AP2B1: variants seen among roughly 807,000 people sequenced by gnomAD.
AP2B1 encodes adaptor related protein complex 2 subunit beta 1.
AP2B1 carries 23 observed loss-of-function variants against 102.0 expected under a neutral mutation model. The ratio of observed to expected loss-of-function variants is 0.23; its 90% CI spans 0.16 to 0.32. AP2B1 has a LOEUF of 0.32. Ranked by LOEUF, AP2B1 falls within the 10% of genes least tolerant of loss-of-function variation. AP2B1 has a pLI of 1.00. For synonymous variants in AP2B1, 381 were observed against 421.2 expected, an observed-to-expected ratio of 0.90 and a Z score of 1.17; for missense variants, 541 against 1,157.4, an observed-to-expected ratio of 0.47 and a Z score of 7.73.
At chr17:35,604,473 C>T (rs2073596943) in intron 3 of AP2B1, among the ~76,000 whole-genome samples, 2 of 151,626 alleles carry the variant, frequency 1.3e-5, no homozygotes, top group African/African-American at 4.8e-5. Flanking sequence ...AAAAAAGACA[C>T]TTGCCTGTGC....
At chr17:35,722,437 G>A (rs1207769825) in intron 21 of AP2B1, among the ~76,000 whole-genome samples, 3 of 152,094 alleles carry the variant, frequency 2.0e-5, no homozygotes, top group Admixed American at 2.0e-4. Flanking sequence ...GAATGCCTTG[G>A]GGACTGAATA....
intron 18 of AP2B1, among the ~76,000 whole-genome samples, chr17:35,698,490 T>G (rs989313803): frequency 3.0e-4 from 46 of 152,112 alleles, no homozygotes; most frequent in African/African-American, 9.4e-4. Flanking sequence ...TTTATTTTTA[T>G]TTTTGTAAAG....
chr17:35,683,315 A>G (rs901596661), intron 18 of AP2B1, among the ~76,000 whole-genome samples: 1 of 152,270 alleles, frequency 6.6e-6, no homozygotes, highest in African/African-American at 2.4e-5. Context: ...CATGCATGAC[A>G]TAGATATTCA....
chr17:35,658,800 T>G (rs1415336249), intron 14 of AP2B1, among the ~76,000 whole-genome samples: 1 of 152,198 alleles, frequency 6.6e-6, no homozygotes, highest in Non-Finnish European at 1.5e-5. Flanking sequence ...CTCTTCTACT[T>G]TATGAGGAGT....
chr17:35,595,393 A>T (rs1239527231), intron 2 of AP2B1, among the ~76,000 whole-genome samples: 1 of 151,992 alleles, frequency 6.6e-6, no homozygotes, highest in South Asian at 2.1e-4. Flanking sequence ...AAAAAAATTT[A>T]AAAATTAGCC....
chr17:35,688,399 T>C (rs1473889552), intron 18 of AP2B1, among the ~76,000 whole-genome samples: 1 of 152,236 alleles, frequency 6.6e-6, no homozygotes, highest in East Asian at 1.9e-4. Context: ...AGCTTGTACT[T>C]TGTCCCCAGT....
At chr17:35,674,671 C>A (rs1205869576) in intron 17 of AP2B1, among the ~76,000 whole-genome samples, 2 of 152,192 alleles carry the variant, frequency 1.3e-5, no homozygotes, top group East Asian at 3.9e-4. Flanking sequence ...CGCCAATGCA[C>A]TCCAGTCTGG....
At chr17:35,700,269 C>T (rs1394339502) in intron 18 of AP2B1, among the ~76,000 whole-genome samples, 1 of 151,466 alleles carries the variant, frequency 6.6e-6, no homozygotes, top group Non-Finnish European at 1.5e-5. Flanking sequence ...CATTAAAAAC[C>T]TGTCACTCCG....
chr17:35,641,791 A>G, intron 11 of AP2B1, 86 bp from the exon 12 acceptor site: 1 of 945,212 alleles, frequency 1.1e-6, no homozygotes, highest in Non-Finnish European at 1.6e-6. Context: ...AGTAATTCAT[A>G]GTTGGGGAAA....
chr17:35,648,524 GCATACATACATACATACATACATA>G (rs71366470), intron 12 of AP2B1, among the ~76,000 whole-genome samples: 1 of 149,956 alleles, frequency 6.7e-6, no homozygotes, highest in South Asian at 2.1e-4. Context: ...CAAAATACAT[GCATACATACATACATACATACATA>G]CATACATACA....
At chr17:35,658,687 A>C (rs916134754) in intron 14 of AP2B1, among the ~76,000 whole-genome samples, 1 of 152,192 alleles carries the variant, frequency 6.6e-6, no homozygotes, top group Non-Finnish European at 1.5e-5. Context: ...CGATTTATTT[A>C]CCAATATCAT....
At chr17:35,590,210 G>A (rs1020665789) in intron 1 of AP2B1, among the ~76,000 whole-genome samples, 2 of 152,126 alleles carry the variant, frequency 1.3e-5, no homozygotes, top group Admixed American at 6.5e-5. Context: ...GAGCCACCGC[G>A]ACCGGCTGTA....
chr17:35,589,606 C>T (rs1042517042), intron 1 of AP2B1, among the ~76,000 whole-genome samples: 1 of 152,168 alleles, frequency 6.6e-6, no homozygotes, highest in African/African-American at 2.4e-5. Context: ...TGCAGGGAGG[C>T]CTTCTCCGAA....
At chr17:35,673,380 G>T (rs908023068) in intron 16 of AP2B1, among the ~76,000 whole-genome samples, 1 of 151,886 alleles carries the variant, frequency 6.6e-6, no homozygotes, top group Non-Finnish European at 1.5e-5. Flanking sequence ...GTAGAGGCGG[G>T]GTTTCACTAT....
intron 11 of AP2B1, among the ~76,000 whole-genome samples, chr17:35,639,965 G>A (rs1260302906): frequency 1.3e-5 from 2 of 152,206 alleles, no homozygotes; most frequent in Non-Finnish European, 2.9e-5. Context: ...TGTCCAGGCT[G>A]GAGTGCAGTG....
chr17:35,695,684 A>G (rs1259620402), intron 18 of AP2B1, among the ~76,000 whole-genome samples: 1 of 152,126 alleles, frequency 6.6e-6, no homozygotes, highest in Non-Finnish European at 1.5e-5. Flanking sequence ...CTAGCAGCCT[A>G]CAACAGAATT....
intron 17 of AP2B1, among the ~76,000 whole-genome samples, chr17:35,681,536 T>C (rs2075822254): frequency 6.6e-6 from 1 of 152,192 alleles, no homozygotes; most frequent in Non-Finnish European, 1.5e-5. Context: ...CCAGAGTAGC[T>C]AGGACTACAG....
At chr17:35,601,778 CTTT>C (rs202210134) in intron 3 of AP2B1, among the ~76,000 whole-genome samples, 7 of 140,050 alleles carry the variant, frequency 5.0e-5, no homozygotes, top group East Asian at 2.1e-4. Flanking sequence ...TGTCATAACT[CTTT>C]TTTTTTTTTT....
At chr17:35,658,212 T>G (rs963833069) in intron 14 of AP2B1, among the ~76,000 whole-genome samples, 21 of 152,064 alleles carry the variant, frequency 1.4e-4, no homozygotes, top group African/African-American at 5.1e-4. Flanking sequence ...ACCTTTGCCT[T>G]TTTAATATTT....
Sources: allele counts gnomAD v4.1 joint callset (sites outside exome capture counted in the v4.1 genomes callset), GRCh38; gene constraint gnomAD v4.1.1; transcripts MANE v1.5; gene names NCBI Gene and HGNC (gene_info 2026-07-23, HGNC 2026-07-21).